CYFIP2: variants seen among roughly 807,000 people sequenced by gnomAD.
CYFIP2 encodes the protein cytoplasmic FMR1 interacting protein 2.
CYFIP2 carries 29 observed loss-of-function variants against 158.7 expected under a neutral mutation model. That is an observed-to-expected ratio of 0.18 (90% CI 0.14 to 0.25). The LOEUF is 0.25. Ranked by LOEUF, CYFIP2 falls within the 10% of genes least tolerant of loss-of-function variation. The probability of loss-of-function intolerance (pLI) is 1.00; values close to 1 mark genes in which losing one functional copy is unlikely to be tolerated. For synonymous variants in CYFIP2, 585 were observed against 617.6 expected, an observed-to-expected ratio of 0.95 and a Z score of 0.78; for missense variants, 852 against 1,639.5, an observed-to-expected ratio of 0.52 and a Z score of 8.29.
At chr5:157,382,448 C>T in intron 26 of CYFIP2, 142 bp from the exon 27 acceptor site, 1 of 752,602 alleles carries the variant, frequency 1.3e-6, no homozygotes, top group South Asian at 1.8e-5. Context: ...AGCTAAGTAA[C>T]TTGCCCAAGG....
chr5:157,393,971 CAG>C lies in CYFIP2; in HGVS notation c.*974_*975del, dbSNP rs1767553348. 6.6e-6 allele frequency: 1 copy of C among 152,122 alleles called. No homozygotes were observed. Among genetic ancestry groups the C allele is most frequent in the Non-Finnish European group, 1.5e-5 (1 of 68,020 alleles). 9.4% of individuals were successfully genotyped at this position (152,122 alleles called of 1,614,324 possible). A position where few individuals can be genotyped will look rare whatever the true frequency, so the allele number is the denominator to read the frequency against. ...AGAAGCCCAAAACGTCTTGGAAACA[CAG>C]AGGTGAGGAGGAGGAATAGTAATTG... On this transcript the variant is annotated 3_prime_UTR_variant, in exon 31 of 31. Transcript: ENST00000620254.
chr5:157,343,159 G>A (rs769951952), intron 23 of CYFIP2: 38 of 1,614,102 alleles, frequency 2.4e-5, no homozygotes, highest in South Asian at 5.5e-5. Context: ...AGGCCAAGAC[G>A]GCTGTGAAGC....
chr5:157,338,266 G>A (rs1036234437), intron 21 of CYFIP2, among the ~76,000 whole-genome samples: 3 of 152,196 alleles, frequency 2.0e-5, no homozygotes, highest in South Asian at 2.1e-4. Flanking sequence ...CATAGATCCC[G>A]GTCATCATGA....
chr5:157,343,590 T>C, intron 23 of CYFIP2: 3 of 1,415,478 alleles, frequency 2.1e-6, no homozygotes, highest in Non-Finnish European at 2.9e-6. Flanking sequence ...GATTTAAGTA[T>C]GTATTTATCA....
At chr5:157,307,636 G>GTGTGTGTGT in intron 8 of CYFIP2, 125 bp from the exon 9 acceptor site, 1 of 427,342 alleles carries the variant, frequency 2.3e-6, no homozygotes, top group Non-Finnish European at 4.2e-6. Flanking sequence ...GTCTCTACAG[G>GTGTGTGTGT]GTGTGTGTGT....
chr5:157,287,192 G>A, intron 3 of CYFIP2, 84 bp downstream of exon 3: 1 of 1,060,922 alleles, frequency 9.4e-7, no homozygotes, highest in Non-Finnish European at 1.4e-6. Context: ...CCAGAGGCAT[G>A]TGCTCAGCTA....
At chr5:157,359,486 T>C (rs1763650956) in intron 24 of CYFIP2, among the ~76,000 whole-genome samples, 1 of 152,214 alleles carries the variant, frequency 6.6e-6, no homozygotes, top group Admixed American at 6.5e-5. Context: ...TTATCTAATT[T>C]GAGCAGGGCA....
chr5:157,274,351 A>G (rs1259240635), intron 1 of CYFIP2, among the ~76,000 whole-genome samples: 2 of 152,174 alleles, frequency 1.3e-5, no homozygotes, highest in African/African-American at 4.8e-5. Flanking sequence ...GGGGTCTTTA[A>G]TGATTCGCTT....
At chr5:157,268,463 C>A (rs1242532966) in intron 1 of CYFIP2, among the ~76,000 whole-genome samples, 5 of 152,190 alleles carry the variant, frequency 3.3e-5, no homozygotes, top group African/African-American at 4.8e-5. Context: ...CTCTGATGTT[C>A]AGTGGCCTCT....
intron 1 of CYFIP2, among the ~76,000 whole-genome samples, chr5:157,284,186 G>A (rs147396537): frequency 2.0e-5 from 3 of 152,072 alleles, no homozygotes; most frequent in African/African-American, 4.8e-5. Flanking sequence ...ATTTCTCTGG[G>A]CTGATTTTTG....
At position 157,395,575 on chromosome 5, in the gene CYFIP2, C is replaced by T. The variant is rs1230284495; in HGVS notation, c.*2575C>T. 8 of 1,282,144 alleles carry T rather than the reference C, an allele frequency of 6.2e-6. No individual in the cohort carries two copies. The East Asian group carries it at 4.4e-4, about 71-fold the overall frequency. 79.4% of individuals were successfully genotyped at this position (1,282,144 alleles called of 1,614,324 possible). On this transcript the variant is annotated 3_prime_UTR_variant, in exon 31 of 31. Coordinates refer to ENST00000620254, the MANE Select transcript of CYFIP2 (RefSeq NM_001037333.3). Reference sequence around the variant, plus strand: ...AACATTTCCATCTTCATTAAAACTGCTTCCAAACTAGTAAAACCAGCAACT... The same window carrying T: ...AACATTTCCATCTTCATTAAAACTGTTTCCAAACTAGTAAAACCAGCAACT...
chr5:157,340,826 G>A (rs1581098405), intron 22 of CYFIP2, among the ~76,000 whole-genome samples: 1 of 152,194 alleles, frequency 6.6e-6, no homozygotes, highest in South Asian at 2.1e-4. Flanking sequence ...ATTCGGAGCA[G>A]CCACAAGCCC....
chr5:157,334,941 G>T (rs1392979434), intron 21 of CYFIP2, among the ~76,000 whole-genome samples: 1 of 152,202 alleles, frequency 6.6e-6, no homozygotes, highest in African/African-American at 2.4e-5. Context: ...CTATGGTTCC[G>T]CCAGATGTTA....
chr5:157,286,213 A>G (rs1337267544), intron 2 of CYFIP2, among the ~76,000 whole-genome samples: 1 of 152,152 alleles, frequency 6.6e-6, no homozygotes, highest in Non-Finnish European at 1.5e-5. Context: ...ACCCAGATTA[A>G]AATTTTAATT....
intron 28 of CYFIP2, 144 bp downstream of exon 28, chr5:157,383,503 A>G (rs1222819073): frequency 6.0e-6 from 4 of 662,358 alleles, no homozygotes; most frequent in Non-Finnish European, 1.0e-5. Flanking sequence ...GGTTAATATT[A>G]ATAGCAACAG....
intron 22 of CYFIP2, 75 bp from the exon 23 acceptor site, chr5:157,340,995 C>G: frequency 7.1e-7 from 1 of 1,414,358 alleles, no homozygotes. Flanking sequence ...CCAGGAAGCA[C>G]TCCTGTTATC....
intron 23 of CYFIP2, among the ~76,000 whole-genome samples, chr5:157,344,264 A>G (rs1032284798): frequency 2.0e-5 from 3 of 152,184 alleles, no homozygotes; most frequent in Non-Finnish European, 4.4e-5. Context: ...AATCATGGTA[A>G]TAACCACTCA....
intron 27 of CYFIP2, 137 bp from the exon 28 acceptor site, chr5:157,383,128 A>C (rs1192250093): frequency 1.4e-6 from 1 of 700,850 alleles, no homozygotes; most frequent in African/African-American, 1.8e-5. Flanking sequence ...ACTTTCCAGA[A>C]CGAAGGAGAG....
intron 1 of CYFIP2, among the ~76,000 whole-genome samples, chr5:157,279,304 C>T (rs1429513939): frequency 6.6e-6 from 1 of 152,118 alleles, no homozygotes; most frequent in Non-Finnish European, 1.5e-5. Flanking sequence ...AGATTGAAAC[C>T]CAGAACTCAA....
Sources: gnomAD v4.1 joint callset for allele counts (sites outside exome capture counted in the v4.1 genomes callset) on GRCh38, gnomAD v4.1.1 for gene constraint, MANE v1.5 for transcripts, NCBI Gene and HGNC (gene_info 2026-07-23, HGNC 2026-07-21) for gene names.